Variants in NFX1 observed in about 807,000 individuals in gnomAD.
The protein encoded by NFX1 is nuclear transcription factor, X-box binding 1, also known as transcriptional repressor NF-X1.
NFX1 carries 69 observed loss-of-function variants against 137.2 expected under a neutral mutation model. The observed-to-expected ratio is 0.50, with a 90% CI of 0.41 to 0.61. NFX1 has a LOEUF of 0.61. Among genes scored for constraint, NFX1 ranks in the 20% least tolerant of loss-of-function variants. NFX1 has a pLI of 0.00. For synonymous variants in NFX1, 495 were observed against 474.1 expected (o/e 1.04, Z -0.57); for missense variants, 1,167 against 1,391.0 (o/e 0.84, Z 2.56).
Position 33,332,455 on chromosome 9 carries a change from T to C in NFX1, c.2005-17T>C. Reference sequence around the variant, plus strand: ...TTATTCCTAAAGTAGTTACCATTTCTTTTTCTTTTTCCATAGGAGCTTCCA... The same window carrying C: ...TTATTCCTAAAGTAGTTACCATTTCCTTTTCTTTTTCCATAGGAGCTTCCA... On this transcript the variant is annotated splice_polypyrimidine_tract_variant and intron_variant, in intron 10 of 23. Transcript: ENST00000379540. 1 of 1,591,092 alleles carries C rather than the reference T, an allele frequency of 6.3e-7. No individual in the cohort carries two copies. The highest frequency in any genetic ancestry group is 8.6e-7 in the Non-Finnish European group (1 of 1,165,230).
chr9:33,307,174 T>G lies in NFX1; in HGVS notation c.1271-20T>G, dbSNP rs1347900403. On this transcript the variant is annotated intron_variant, in intron 4 of 23. Coordinates refer to ENST00000379540, the MANE Select transcript of NFX1 (RefSeq NM_002504.6). ...TGGTTGAAGTTTGTACCATTGACTC[T>G]CTGATCTGATATGTTCTAGGCAAGG... 1 of 1,601,534 alleles carries G rather than the reference T, an allele frequency of 6.2e-7. No individual in the cohort carries two copies. Among genetic ancestry groups the G allele is most frequent in the African/African-American group, 1.3e-5 (1 of 74,662 alleles).
At chr9:33,329,617 G>A (rs1439895371) in intron 10 of NFX1, among the ~76,000 whole-genome samples, 2 of 150,706 alleles carry the variant, frequency 1.3e-5, no homozygotes, top group Non-Finnish European at 3.0e-5. Context: ...CTACTTTCTG[G>A]TGAAAGCCTG....
chr9:33,364,929 T>TTA, intron 21 of NFX1, 155 bp downstream of exon 21: 1 of 1,450,728 alleles, frequency 6.9e-7, no homozygotes, highest in Non-Finnish European at 9.1e-7. Flanking sequence ...AACACAGCCA[T>TTA]TATAACATCT....
At chr9:33,290,725 C>T (rs1259017617) in intron 1 of NFX1, 128 bp downstream of exon 1, 16 of 883,362 alleles carry the variant, frequency 1.8e-5, no homozygotes, top group Admixed American at 2.9e-5. Flanking sequence ...GATAGTGGCT[C>T]GGAAGGGCCA....
rs759584759 is a variant in NFX1, at chr9:33,318,874, A to G, written c.1689-36A>G. 1.7e-5 allele frequency: 27 copies of G among 1,613,798 alleles called. No homozygotes were observed. In the Admixed American group the frequency reaches 4.3e-4, roughly 26 times the overall value. ...TTCAGTTGAACTAAAGCTGCACTTTATGCAACAATTATGTAATAGTGTGTT... is the reference window on the plus strand; with the variant it reads ...TTCAGTTGAACTAAAGCTGCACTTTGTGCAACAATTATGTAATAGTGTGTT... On this transcript the variant is annotated intron_variant, in intron 8 of 23. Transcript: ENST00000379540.
rs1823607614 is a variant in NFX1 at position 33,350,781 on chromosome 9, A to G, written c.2425-779A>G. ...TAAGGCAAGAGGCTCACTTGAGCCC[A>G]GAAGTTCAAGTCCAGCTTAGGCAAC... On this transcript the variant is annotated intron_variant, in intron 15 of 23. Coordinates refer to ENST00000379540, the MANE Select transcript of NFX1 (RefSeq NM_002504.6). 3.9e-5 allele frequency among the ~76,000 whole-genome samples: 6 copies of G among 152,256 alleles called. No individual in the cohort carries two copies. In the South Asian group the frequency reaches 1.0e-3, roughly 26 times the overall value.
intron 2 of NFX1, 79 bp from the exon 3 acceptor site, chr9:33,301,184 C>A: frequency 7.8e-7 from 1 of 1,281,888 alleles, no homozygotes; most frequent in Non-Finnish European, 1.1e-6. Context: ...GAGTGACTTG[C>A]TGATCCTTGG....
intron 9 of NFX1, among the ~76,000 whole-genome samples, chr9:33,324,946 AAG>A (rs1035084882): frequency 1.3e-5 from 2 of 151,888 alleles, no homozygotes; most frequent in East Asian, 1.9e-4. Context: ...AAAAAAAAGA[AAG>A]AGATTATATA....
chr9:33,364,840 C>G (rs367795929), intron 21 of NFX1, 66 bp downstream of exon 21: 22 of 1,589,376 alleles, frequency 1.4e-5, no homozygotes, highest in Non-Finnish European at 1.8e-5. Flanking sequence ...AAAAAGCAAT[C>G]AAGTCCTGGA....
chr9:33,361,435 G>A (rs140903869), intron 19 of NFX1, among the ~76,000 whole-genome samples: 2 of 151,944 alleles, frequency 1.3e-5, no homozygotes, highest in East Asian at 1.9e-4. Context: ...TCTTATTTTT[G>A]GGGGGGTGAG....
chr9:33,301,425 A>G lies in NFX1; in HGVS notation c.1192+4A>G, dbSNP rs1010865937. Reference sequence around the variant, plus strand: ...AGGTCTCCAGCATCTCAAGCAGGTCAATTAATTCTCTCTTCTGAGTAGTTA... The same window carrying G: ...AGGTCTCCAGCATCTCAAGCAGGTCGATTAATTCTCTCTTCTGAGTAGTTA... On this transcript the variant is annotated splice_donor_region_variant and intron_variant, in intron 3 of 23. Transcript: ENST00000379540. The G allele has an allele frequency of 6.2e-6, 10 of 1,613,140 alleles. No homozygotes were observed. The highest frequency in any genetic ancestry group is 4.0e-5 in the African/African-American group (3 of 74,884).
intron 7 of NFX1, among the ~76,000 whole-genome samples, chr9:33,315,778 G>A (rs1170745029): frequency 6.6e-6 from 1 of 151,586 alleles, no homozygotes; most frequent in African/African-American, 2.4e-5. Context: ...TGTAGTCCTA[G>A]CTACTTGGGA....
chr9:33,354,003 A>T, intron 17 of NFX1, 83 bp from the exon 18 acceptor site: 2 of 1,311,828 alleles, frequency 1.5e-6, no homozygotes, highest in South Asian at 1.5e-5. Context: ...ATTTGCTTTT[A>T]AAGAGGTCTT....
In NFX1 at chr9:33,351,549, GTC is replaced by G; in HGVS notation, c.2425-6_2425-5del. On this transcript the variant is annotated splice_polypyrimidine_tract_variant and intron_variant, in intron 15 of 23. Coordinates refer to ENST00000379540, the MANE Select transcript of NFX1 (RefSeq NM_002504.6). ...TGGAGATGAGAATCTGGCTACTTCT[GTC>G]TCTCCTAGTTTCGGAGCAACATCCC... The G allele has an allele frequency of 6.2e-7, 1 of 1,613,486 alleles. No homozygotes were observed. Among genetic ancestry groups the G allele is most frequent in the Non-Finnish European group, 8.5e-7 (1 of 1,179,410 alleles).
chr9:33,336,995 G>A (rs996197617), intron 11 of NFX1, among the ~76,000 whole-genome samples: 9 of 152,004 alleles, frequency 5.9e-5, no homozygotes, highest in East Asian at 5.8e-4. Flanking sequence ...CCAGCTACTC[G>A]GGAGGCTGAG....
intron 7 of NFX1, among the ~76,000 whole-genome samples, chr9:33,317,437 AAAG>A (rs1203519901): frequency 1.5e-4 from 19 of 127,914 alleles, no homozygotes; most frequent in Non-Finnish European, 2.5e-4. Flanking sequence ...AAAAAAAAAG[AAAG>A]AAAGAAAAGA....
In NFX1 at chr9:33,347,119, T is replaced by C. The variant is rs1483457659; in HGVS notation, c.2424+2T>C. 1 of 1,610,348 alleles carries C rather than the reference T, an allele frequency of 6.2e-7. No individual in the cohort carries two copies. Among genetic ancestry groups the C allele is most frequent in the South Asian group, 1.1e-5 (1 of 90,784 alleles). ...AAGTGGTGCATGGGCAAGCATGAGG[T>C]AAGTTTTCTCTCTCAAGTGCTCATT... On this transcript the variant is annotated splice_donor_variant, in intron 15 of 23. Coordinates refer to ENST00000379540, the MANE Select transcript of NFX1 (RefSeq NM_002504.6). LOFTEE classifies it high-confidence loss of function.
intron 15 of NFX1, among the ~76,000 whole-genome samples, chr9:33,348,981 C>A (rs552384663): frequency 1.3e-5 from 2 of 152,246 alleles, no homozygotes; most frequent in East Asian, 1.9e-4. Flanking sequence ...ATGCTATATT[C>A]TTTTATCTTC....
intron 11 of NFX1, among the ~76,000 whole-genome samples, chr9:33,338,130 G>C (rs1276845588): frequency 1.3e-5 from 2 of 151,688 alleles, no homozygotes; most frequent in South Asian, 4.2e-4. Context: ...CATGGGAGGT[G>C]GATCACCTGA....
Sources: allele counts gnomAD v4.1 joint callset (sites outside exome capture counted in the v4.1 genomes callset), GRCh38; gene constraint gnomAD v4.1.1; transcripts MANE v1.5; gene names NCBI Gene and HGNC (gene_info 2026-07-23, HGNC 2026-07-21).